Variants in RPS6 observed in about 807,000 individuals in gnomAD.
The protein encoded by RPS6 is ribosomal protein S6.
A neutral mutation model predicts 27.1 loss-of-function variants in RPS6; 1 was observed. The ratio of observed to expected loss-of-function variants is 0.04; its 90% CI spans 0.01 to 0.18. RPS6 has a LOEUF of 0.18. Ranked by LOEUF, RPS6 falls within the 10% of genes least tolerant of loss-of-function variation. RPS6 has a pLI of 1.00. For missense variants in RPS6, 259 were observed against 319.1 expected (o/e 0.81, Z 1.44); for synonymous variants, 152 against 106.0 (o/e 1.43, Z -2.66).
chr9:19,380,107 G>A (rs1829654459), intron 1 of RPS6, 83 bp downstream of exon 1: 1 of 1,614,124 alleles, frequency 6.2e-7, no homozygotes, highest in African/African-American at 1.3e-5. Context: ...GGATCCTGGA[G>A]TGCTGGAACT....
At chr9:19,378,179 G>A (rs1442398957) in intron 4 of RPS6, among the ~76,000 whole-genome samples, 189 bp downstream of exon 4, 1 of 152,088 alleles carries the variant, frequency 6.6e-6, no homozygotes, top group Non-Finnish European at 1.5e-5. Flanking sequence ...ACTCTACAAG[G>A]CACTGGATAT....
chr9:19,377,641 A>T (rs527971327), intron 4 of RPS6, among the ~76,000 whole-genome samples: 27 of 152,252 alleles, frequency 1.8e-4, no homozygotes, highest in African/African-American at 6.5e-4. Flanking sequence ...AATATCCCCA[A>T]ATTTCACCAC....
At chr9:19,380,069 A>C in intron 1 of RPS6, 121 bp downstream of exon 1, 1 of 1,609,218 alleles carries the variant, frequency 6.2e-7, no homozygotes, top group Non-Finnish European at 8.5e-7. Context: ...GCCTTCTCCT[A>C]CTTGAGACCC....
rs374546356 is a variant in RPS6, at chr9:19,378,841, A to C, written c.216T>G (p.Arg72=). 1.9e-6 allele frequency: 3 copies of C among 1,614,120 alleles called. No individual in the cohort carries two copies. Among genetic ancestry groups the C allele is most frequent in the African/African-American group, 2.7e-5 (2 of 74,938 alleles). The change falls in exon 3 of 6, where the codon CGT becomes CGG. Residue 72 remains arginine, a synonymous_variant. Coordinates refer to ENST00000380394, the MANE Select transcript of RPS6 (RefSeq NM_001010.3). ...GCCCCTTACTCAGTAGCAGGCGGAC[A>C]CGGCCATGGGTCAAGACACCCTGCT... ...PMKQGVLTHG[R]VRLLLSKGHS... is the part of the protein sequence containing the mutation.
At position 19,380,234 on chromosome 9, in the gene RPS6, G is replaced by T. The variant is rs17523533; in HGVS notation, c.-39C>A. Reference sequence around the variant, plus strand: ...AACGCCTCCGAGGCGCCACGGAAAAGAGGGCCAACTTCCGCTTAGCGCAGG... The same window carrying T: ...AACGCCTCCGAGGCGCCACGGAAAATAGGGCCAACTTCCGCTTAGCGCAGG... On this transcript the variant is annotated 5_prime_UTR_variant, in exon 1 of 6. Transcript: ENST00000380394. The T allele has an allele frequency of 3.7e-6, 6 of 1,609,228 alleles. No homozygotes were observed. The highest frequency in any genetic ancestry group is 5.1e-6 in the Non-Finnish European group (6 of 1,175,720).
chr9:19,376,801 GCT>G (rs1016594339), intron 4 of RPS6, 150 bp from the exon 5 acceptor site: 8 of 628,130 alleles, frequency 1.3e-5, no homozygotes, highest in African/African-American at 1.9e-5. Context: ...ATTCTAAAAT[GCT>G]TTTTGCCCCT....
In RPS6 at chr9:19,379,638, A is replaced by T. The variant is rs759038953; in HGVS notation, c.7-20T>A. On this transcript the variant is annotated intron_variant, in intron 1 of 5. Coordinates refer to ENST00000380394, the MANE Select transcript of RPS6 (RefSeq NM_001010.3). ...GTTCAGCTAAGGATTAAAAGGGGGG[A>T]AATAGTTTACGAAACTATCTATACA... 1.9e-6 allele frequency: 3 copies of T among 1,605,760 alleles called. No individual in the cohort carries two copies. In the African/African-American group the frequency reaches 4.0e-5, roughly 22 times the overall value.
In RPS6 at chr9:19,375,716, TTTTC is replaced by T. The variant is rs1218812121; in HGVS notation, c.*573_*576del. 2 of 152,314 alleles carry T rather than the reference TTTTC, an allele frequency of 1.3e-5. No individual in the cohort carries two copies. The highest frequency in any genetic ancestry group is 2.9e-5 in the Non-Finnish European group (2 of 68,110). The allele number at this position is 152,314 out of a possible 1,614,324, so 9.4% of individuals were successfully genotyped here. On this transcript the variant is annotated 3_prime_UTR_variant, in exon 6 of 6. Transcript: ENST00000380394. ...AGAAAAAAGTACATACTTTGTGCAT[TTTTC>T]ACTGATCCAAGAATGTTTTTAGTCA...
chr9:19,378,593 G>C lies in RPS6; in HGVS notation c.350-79C>G. On this transcript the variant is annotated intron_variant, in intron 3 of 5. Coordinates refer to ENST00000380394, the MANE Select transcript of RPS6 (RefSeq NM_001010.3). Reference sequence around the variant, plus strand: ...AAATCAGAATGTTTAATGTTGAATTGATGGTAGAGAAACAAATCCATTGGT... The same window carrying C: ...AAATCAGAATGTTTAATGTTGAATTCATGGTAGAGAAACAAATCCATTGGT... 3.8e-6 allele frequency: 6 copies of C among 1,578,100 alleles called. No homozygotes were observed. In the South Asian group the frequency reaches 5.7e-5, roughly 15 times the overall value.
Position 19,378,736 on chromosome 9 carries a change from G to A in RPS6, c.321C>T (p.Ser107=), listed in dbSNP as rs763465630. The change falls in exon 3 of 6, where the codon AGC becomes AGT. Residue 107 remains serine (S), a synonymous_variant. Coordinates refer to ENST00000380394, the MANE Select transcript of RPS6 (RefSeq NM_001010.3). ...VRGCIVDANL[S]VLNLVIVKKG... ...TTTTTACAATAACCAAGTTGAGAAC[G>A]CTCAGATTTGCATCCACAATGCAAC... The A allele has an allele frequency of 1.2e-6, 2 of 1,613,856 alleles. No homozygotes were observed. The highest frequency in any genetic ancestry group is 1.3e-5 in the African/African-American group (1 of 74,852).
intron 1 of RPS6, 62 bp from the exon 2 acceptor site, chr9:19,379,680 T>C (rs1307583440): frequency 6.5e-7 from 1 of 1,539,338 alleles, no homozygotes; most frequent in Admixed American, 2.1e-5. Context: ...TGTAGAGCCA[T>C]CTACAAAGTT....
At position 19,378,602 on chromosome 9, in the gene RPS6, G is replaced by A. The variant is rs550245118; in HGVS notation, c.350-88C>T. 5 of 1,575,310 alleles carry A rather than the reference G, an allele frequency of 3.2e-6. No homozygotes were observed. The East Asian group carries it at 9.0e-5, about 28-fold the overall frequency. On this transcript the variant is annotated intron_variant, in intron 3 of 5. Transcript: ENST00000380394. ...TGTTTAATGTTGAATTGATGGTAGA[G>A]AAACAAATCCATTGGTCTGTAAGTC...
intron 2 of RPS6, chr9:19,379,186 A>C: frequency 1.0e-6 from 1 of 967,630 alleles, no homozygotes; most frequent in Non-Finnish European, 1.5e-6. Context: ...AACAGCAACA[A>C]ACAAATCAGA....
intron 1 of RPS6, 122 bp from the exon 2 acceptor site, chr9:19,379,740 A>C: frequency 6.6e-7 from 1 of 1,505,476 alleles, no homozygotes; most frequent in Admixed American, 2.3e-5. Flanking sequence ...AGCAGGAAAT[A>C]TAAGATGCCG....
In RPS6 at chr9:19,378,835, G is replaced by A. The variant is rs1804397; in HGVS notation, c.222C>T (p.Arg74=). Residue 74 remains arginine (R), a synonymous_variant, in exon 3 of 6, where the codon CGC becomes CGT. Transcript: ENST00000380394. ...AGGAATGCCCCTTACTCAGTAGCAG[G>A]CGGACACGGCCATGGGTCAAGACAC... The part of the protein sequence containing the change: ...KQGVLTHGRV[R]LLLSKGHSCY... The A allele has an allele frequency of 1.2e-6, 2 of 1,614,152 alleles. No individual in the cohort carries two copies. The highest frequency in any genetic ancestry group is 1.7e-6 in the Non-Finnish European group (2 of 1,180,036).
In RPS6 at chr9:19,378,474, A is replaced by T; in HGVS notation, c.390T>A (p.Pro130=). Residue 130 remains proline (P), a synonymous_variant, in exon 4 of 6, where the codon CCT becomes CCA. Transcript: ENST00000380394. ...DIPGLTDTTV[P]RRLGPKRASR... is the part of the protein sequence containing the mutation. ...TAGCTCTTTTGGGGCCCAGGCGGCG[A>T]GGCACTGTAGTATCAGTCAGTCCAG... 1 of 1,614,194 alleles carries T rather than the reference A, an allele frequency of 6.2e-7. No homozygotes were observed. The highest frequency in any genetic ancestry group is 1.1e-5 in the South Asian group (1 of 91,086).
In RPS6 at chr9:19,379,757, C is replaced by G. The variant is rs1829648687; in HGVS notation, c.7-139G>C. The G allele has an allele frequency of 2.0e-6, 3 of 1,491,684 alleles. No homozygotes were observed. In the South Asian group the frequency reaches 4.2e-5, roughly 21 times the overall value. 92.4% of individuals were successfully genotyped at this position (1,491,684 alleles called of 1,614,324 possible). ...CAGGAAATATAAGATGCCGACTGTA[C>G]TCACTAAAAGCACGTGAAAGCAGAG... On this transcript the variant is annotated intron_variant, in intron 1 of 5. Transcript: ENST00000380394.
intron 2 of RPS6, 76 bp downstream of exon 2, chr9:19,379,411 C>T (rs1212393243): frequency 6.3e-7 from 1 of 1,590,714 alleles, no homozygotes; most frequent in South Asian, 1.1e-5. Flanking sequence ...GAGTCTGAAC[C>T]CCATTCCAAA....
intron 2 of RPS6, 112 bp from the exon 3 acceptor site, chr9:19,379,030 C>G: frequency 9.2e-7 from 1 of 1,082,294 alleles, no homozygotes. Context: ...ATTATGAAAA[C>G]CAATTTGAAC....
Sources: allele counts gnomAD v4.1 joint callset (sites outside exome capture counted in the v4.1 genomes callset), GRCh38; gene constraint gnomAD v4.1.1; transcripts MANE v1.5; gene names NCBI Gene and HGNC (gene_info 2026-07-23, HGNC 2026-07-21).